The following PRR15 variants were observed in gnomAD, a reference collection of about 807,000 sequenced individuals.
PRR15 encodes the protein proline rich 15, also known as proline-rich protein 15.
A neutral mutation model predicts 3.0 loss-of-function variants in PRR15; 4 were observed. The ratio of observed to expected loss-of-function variants is 1.34; its 90% confidence interval spans 0.66 to 3.08. The LOEUF (loss-of-function observed/expected upper bound fraction) is 3.08, where lower values mean the gene tolerates loss of function less well. Among genes scored for constraint, PRR15 ranks in the 30% most tolerant of loss-of-function variants. The pLI is 0.01. For synonymous variants in PRR15, 82 were observed against 79.8 expected (o/e 1.03, Z -0.14); for missense variants, 200 against 179.5 (o/e 1.11, Z -0.65).
chr7:29,566,831 T>A lies in PRR15; in HGVS notation c.*112T>A. ...TTACGCGTTGTCTCATTCCACCAAA[T>A]TCAGAATATTTACACAATGCCTTCA... On this transcript the variant is annotated 3_prime_UTR_variant, in exon 2 of 2. Transcript: ENST00000319694. The A allele has an allele frequency of 9.5e-7, 1 of 1,057,592 alleles. No individual in the cohort carries two copies. Among genetic ancestry groups the A allele is most frequent in the Non-Finnish European group, 1.3e-6 (1 of 748,316 alleles). The allele number at this position is 1,057,592 out of a possible 1,614,324, so 65.5% of individuals were successfully genotyped here.
Position 29,566,415 on chromosome 7 carries a change from T to C in PRR15, c.86T>C (p.Val29Ala). 6.2e-7 allele frequency: 1 copy of C among 1,609,514 alleles called. No individual in the cohort carries two copies. Among genetic ancestry groups the C allele is most frequent in the Non-Finnish European group, 8.5e-7 (1 of 1,178,520 alleles). Residue 29 changes from valine (V) to alanine (A), a missense_variant, in exon 2 of 2, where the codon GTG becomes GCG. Physicochemically the swap from Val to Ala is moderately conservative, Grantham distance 64. Coordinates refer to ENST00000319694, the MANE Select transcript of PRR15 (RefSeq NM_175887.3). ...NSRKKSKEAA[V>A]GVPPPAQPAP... Reference sequence around the variant, plus strand: ...AGAAAGAAAAGCAAGGAAGCCGCAGTGGGGGTGCCGCCTCCCGCCCAGCCC... The same window carrying C: ...AGAAAGAAAAGCAAGGAAGCCGCAGCGGGGGTGCCGCCTCCCGCCCAGCCC...
rs192888498 is a variant in PRR15, at chr7:29,567,089, T to C, written c.*370T>C. 333 of 211,926 alleles carry C rather than the reference T, an allele frequency of 1.6e-3. 2 individuals are homozygous for C. Among genetic ancestry groups the C allele is most frequent in the African/African-American group, 7.4e-3 (319 of 43,306 alleles). 13.1% of individuals were successfully genotyped at this position (211,926 alleles called of 1,614,324 possible). A position where few individuals can be genotyped will look rare whatever the true frequency, so the allele number is the denominator to read the frequency against. On this transcript the variant is annotated 3_prime_UTR_variant, in exon 2 of 2. Transcript: ENST00000319694. Reference sequence around the variant, plus strand: ...GAAGAAGGTGGCTGTTATTTAGGACTCTGTGGAAAGCAAATCACAGTGCTG... The same window carrying C: ...GAAGAAGGTGGCTGTTATTTAGGACCCTGTGGAAAGCAAATCACAGTGCTG...
Position 29,566,800 on chromosome 7 carries a change from G to A in PRR15, c.*81G>A, listed in dbSNP as rs1255396235. 2.3e-6 allele frequency: 3 copies of A among 1,317,680 alleles called. No individual in the cohort carries two copies. Among genetic ancestry groups the A allele is most frequent in the Non-Finnish European group, 3.1e-6 (3 of 979,546 alleles). The allele number at this position is 1,317,680 out of a possible 1,614,324, so 81.6% of individuals were successfully genotyped here. On this transcript the variant is annotated 3_prime_UTR_variant, in exon 2 of 2. Transcript: ENST00000319694. ...GTTCCAAACCCGAGACTTCAGGCCC[G>A]CCCCCTTACGCGTTGTCTCATTCCA...
In PRR15 at chr7:29,566,547, A is replaced by G. The variant is rs781199380; in HGVS notation, c.218A>G (p.Lys73Arg). 3.1e-6 allele frequency: 5 copies of G among 1,608,662 alleles called. No individual in the cohort carries two copies. Among genetic ancestry groups the G allele is most frequent in the Non-Finnish European group, 4.2e-6 (5 of 1,177,978 alleles). The stretch of plus-strand genomic sequence containing the variant: ...CTCGGGGGCGCCGGCGAGCCCCCCA[A>G]ACCAGACAAGTTATACGGGGACAAA... ...NLLGGAGEPP[K>R]PDKLYGDKSG... The change falls in exon 2 of 2, where the codon AAA (lysine) becomes AGA (arginine). Residue 73 changes from lysine (K) to arginine (R), a missense_variant. Lys to Arg is a conservative substitution (Grantham distance 26). Transcript: ENST00000319694.
At chr7:29,564,474 C>T (rs1308423686) in intron 1 of PRR15, 97 bp downstream of exon 1, 2 of 152,066 alleles carry the variant, frequency 1.3e-5, no homozygotes, top group African/African-American at 2.4e-5. Context: ...TACCCGCCTC[C>T]CGGAGCCCTA....
chr7:29,564,624 AGAG>A (rs951833442), intron 1 of PRR15, among the ~76,000 whole-genome samples: 9 of 150,730 alleles, frequency 6.0e-5, no homozygotes, highest in African/African-American at 2.2e-4. Flanking sequence ...AATGTAGGTT[AGAG>A]GAGAGGAAGC....
chr7:29,566,199 T>C lies in PRR15; in HGVS notation c.-131T>C. ...TTCTTCCCCAGCACAGGCCGCTGCC[T>C]CAGCATCCACCCCGCAGCCCACGTG... On this transcript the variant is annotated 5_prime_UTR_variant, in exon 2 of 2. Coordinates refer to ENST00000319694, the MANE Select transcript of PRR15 (RefSeq NM_175887.3). 1.8e-6 allele frequency: 2 copies of C among 1,122,222 alleles called. No homozygotes were observed. The highest frequency in any genetic ancestry group is 2.5e-6 in the Non-Finnish European group (2 of 812,972). 69.5% of individuals were successfully genotyped at this position (1,122,222 alleles called of 1,614,324 possible).
In PRR15 at chr7:29,566,462, C is replaced by G. The variant is rs758692281; in HGVS notation, c.133C>G (p.Pro45Ala). ...GCCCGCTCCCGGGGAGCCCACGCCA[C>G]CTGCGCCGCCCAGCCCGGACTGGAC... The part of the protein sequence containing the change: ...AQPAPGEPTP[P>A]APPSPDWTSS... The change falls in exon 2 of 2, where the codon CCT becomes GCT. Residue 45 changes from proline to alanine, a missense_variant. Coordinates refer to ENST00000319694, the MANE Select transcript of PRR15 (RefSeq NM_175887.3). The G allele has an allele frequency of 6.2e-7, 1 of 1,600,426 alleles. No homozygotes were observed. Among genetic ancestry groups the G allele is most frequent in the Non-Finnish European group, 8.5e-7 (1 of 1,173,832 alleles).
At chr7:29,566,141 T>C (rs1041186756) in intron 1 of PRR15, 44 bp from the exon 2 acceptor site, 11 of 680,208 alleles carry the variant, frequency 1.6e-5, no homozygotes, top group Non-Finnish European at 2.4e-5. Flanking sequence ...GGGGGGCACG[T>C]GACTTCAACC....
chr7:29,566,114 G>A (rs1792895719), intron 1 of PRR15, 71 bp from the exon 2 acceptor site: 1 of 613,630 alleles, frequency 1.6e-6, no homozygotes, highest in African/African-American at 1.9e-5. Context: ...ACAGCATAAG[G>A]GAGGAAAGGG....
intron 1 of PRR15, among the ~76,000 whole-genome samples, 200 bp downstream of exon 1, chr7:29,564,577 C>T (rs1008674137): frequency 4.6e-5 from 7 of 152,188 alleles, no homozygotes; most frequent in Admixed American, 3.9e-4. Flanking sequence ...GTACAAAGCC[C>T]TTCCGTGCTC....
rs1163007023 is a variant in PRR15, at chr7:29,566,493, G to A, written c.164G>A (p.Ser55Asn). 1 of 1,599,534 alleles carries A rather than the reference G, an allele frequency of 6.3e-7. No homozygotes were observed. Among genetic ancestry groups the A allele is most frequent in the East Asian group, 2.3e-5 (1 of 44,022 alleles). Residue 55 changes from serine to asparagine, a missense_variant, in exon 2 of 2, where the codon AGC becomes AAC. Coordinates refer to ENST00000319694, the MANE Select transcript of PRR15 (RefSeq NM_175887.3). The part of the protein sequence containing the change: ...PAPPSPDWTS[S>N]SRENQHPNLL... ...CCGCCCAGCCCGGACTGGACCAGCAGCTCCCGGGAGAACCAGCACCCCAAT... is the reference window on the plus strand; with the variant it reads ...CCGCCCAGCCCGGACTGGACCAGCAACTCCCGGGAGAACCAGCACCCCAAT...
At position 29,566,685 on chromosome 7, in the gene PRR15, G is replaced by A; in HGVS notation, c.356G>A (p.Gly119Asp). Residue 119 changes from glycine to aspartate, a missense_variant, in exon 2 of 2, where the codon GGC becomes GAC. Coordinates refer to ENST00000319694, the MANE Select transcript of PRR15 (RefSeq NM_175887.3). Reference protein sequence around the residue: ...PEAGRSPEEAGFPGDPHEDKQ With the variant: ...PEAGRSPEEADFPGDPHEDKQ ...GCGGGCAGGTCCCCGGAGGAGGCAG[G>A]CTTTCCTGGTGACCCCCACGAGGAC... The A allele has an allele frequency of 6.4e-7, 1 of 1,566,606 alleles. No individual in the cohort carries two copies. Among genetic ancestry groups the A allele is most frequent in the South Asian group, 1.2e-5 (1 of 85,080 alleles).
rs1473954779 is a variant in PRR15 at position 29,566,545 on chromosome 7, C to A, written c.216C>A (p.Pro72=). 15 of 1,608,198 alleles carry A rather than the reference C, an allele frequency of 9.3e-6. No homozygotes were observed. The highest frequency in any genetic ancestry group is 2.2e-5 in the East Asian group (1 of 44,542). ...PNLLGGAGEP[P]KPDKLYGDKS... is the part of the protein sequence containing the mutation. ...TCCTCGGGGGCGCCGGCGAGCCCCC[C>A]AAACCAGACAAGTTATACGGGGACA... Residue 72 remains proline, a synonymous_variant, in exon 2 of 2, where the codon CCC becomes CCA. Transcript: ENST00000319694.
chr7:29,565,335 C>G (rs183043435), intron 1 of PRR15: 27 of 152,308 alleles, frequency 1.8e-4, no homozygotes, highest in African/African-American at 5.8e-4. Flanking sequence ...TTGCGTCGTA[C>G]AGACTCGGTG....
intron 1 of PRR15, 70 bp downstream of exon 1, chr7:29,564,447 G>C (rs1195648727): frequency 6.6e-6 from 1 of 152,112 alleles, no homozygotes; most frequent in East Asian, 2.0e-4. Flanking sequence ...CTGGGGTGCT[G>C]CCTGGTACCT....
rs923447765 is a variant in PRR15, at chr7:29,564,392, G to T, written c.-146+15G>T. ...AGCCCGAGCAGGTGAGCGACTGGGG[G>T]TGGTTCGGCGTCCGCCGAGACAGAG... On this transcript the variant is annotated intron_variant, in intron 1 of 1. Transcript: ENST00000319694. 6.6e-6 allele frequency: 1 copy of T among 152,250 alleles called. No individual in the cohort carries two copies. Among genetic ancestry groups the T allele is most frequent in the Non-Finnish European group, 1.5e-5 (1 of 68,140 alleles). The allele number at this position is 152,250 out of a possible 1,614,324, so 9.4% of individuals were successfully genotyped here. A position where few individuals can be genotyped will look rare whatever the true frequency, so the allele number is the denominator to read the frequency against.
intron 1 of PRR15, among the ~76,000 whole-genome samples, chr7:29,564,754 T>C (rs1328931468): frequency 4.6e-5 from 7 of 152,220 alleles, no homozygotes; most frequent in African/African-American, 2.4e-5. Context: ...TAATTGTGCC[T>C]GAGGGCGTGG....
In PRR15 at chr7:29,566,300, G is replaced by C; in HGVS notation, c.-30G>C. The C allele has an allele frequency of 6.3e-7, 1 of 1,581,558 alleles. No individual in the cohort carries two copies. Among genetic ancestry groups the C allele is most frequent in the Non-Finnish European group, 8.5e-7 (1 of 1,170,148 alleles). ...AGGGGCCGCTTTGGCCCTTCCATCTGGGTGCCGGGAGCCCCTAGGCCCTCC... is the reference window on the plus strand; with the variant it reads ...AGGGGCCGCTTTGGCCCTTCCATCTCGGTGCCGGGAGCCCCTAGGCCCTCC... On this transcript the variant is annotated 5_prime_UTR_variant, in exon 2 of 2. Coordinates refer to ENST00000319694, the MANE Select transcript of PRR15 (RefSeq NM_175887.3).
Sources: allele counts gnomAD v4.1 joint callset (sites outside exome capture counted in the v4.1 genomes callset), GRCh38; gene constraint gnomAD v4.1.1; transcripts MANE v1.5; gene names NCBI Gene and HGNC (gene_info 2026-07-23, HGNC 2026-07-21).